The following TLK1 variants were observed in gnomAD, a reference collection of about 807,000 sequenced individuals.
The protein encoded by TLK1 is tousled like kinase 1, also known as serine/threonine-protein kinase tousled-like 1.
In TLK1, 24 loss-of-function variants were observed where a neutral mutation model predicts 105.3. The observed-to-expected ratio is 0.23, with a 90% CI of 0.17 to 0.32. The LOEUF (loss-of-function observed/expected upper bound fraction) is 0.32. TLK1 is among the 10% of genes least tolerant of loss of function. The pLI, the probability that TLK1 is intolerant of heterozygous loss-of-function variation, is 1.00. For missense variants in TLK1, 558 were observed against 910.5 expected (o/e 0.61, Z 4.98); for synonymous variants, 321 against 310.4 (o/e 1.03, Z -0.36).
At chr2:171,015,564 A>G (rs960312596) in intron 12 of TLK1, among the ~76,000 whole-genome samples, 1 of 152,060 alleles carries the variant, frequency 6.6e-6, no homozygotes, top group South Asian at 2.1e-4. Flanking sequence ...AATAAATCTT[A>G]AAGAAATTTA....
At chr2:171,223,403 G>A (rs138075486) in intron 1 of TLK1, among the ~76,000 whole-genome samples, 7 of 151,738 alleles carry the variant, frequency 4.6e-5, no homozygotes, top group South Asian at 2.1e-4. Flanking sequence ...TGATTAATGA[G>A]GTTGAGCATT....
chr2:171,170,621 G>A (rs1257942437), intron 1 of TLK1, among the ~76,000 whole-genome samples: 1 of 152,234 alleles, frequency 6.6e-6, no homozygotes, highest in Non-Finnish European at 1.5e-5. Flanking sequence ...ATAGAGACCA[G>A]ATAATGATGC....
chr2:171,151,658 G>A (rs1052942638), intron 1 of TLK1, among the ~76,000 whole-genome samples: 1 of 151,372 alleles, frequency 6.6e-6, no homozygotes, highest in Non-Finnish European at 1.5e-5. Flanking sequence ...TGTATTTTTA[G>A]TAGAGACAGG....
chr2:171,008,254 A>C, intron 14 of TLK1, among the ~76,000 whole-genome samples: 1 of 152,160 alleles, frequency 6.6e-6, no homozygotes, highest in Non-Finnish European at 1.5e-5. Context: ...TCTGAGCCCC[A>C]AAAGTTAGGG....
At chr2:171,195,520 A>C (rs1012348135) in intron 1 of TLK1, among the ~76,000 whole-genome samples, 1 of 151,580 alleles carries the variant, frequency 6.6e-6, no homozygotes, top group East Asian at 1.9e-4. Flanking sequence ...AAAAAAAAAA[A>C]AACATAATCC....
intron 1 of TLK1, among the ~76,000 whole-genome samples, chr2:171,147,017 T>C (rs942081569): frequency 2.0e-5 from 3 of 152,200 alleles, no homozygotes; most frequent in Admixed American, 1.3e-4. Flanking sequence ...CCAATGAATA[T>C]AACACCTTGA....
intron 1 of TLK1, among the ~76,000 whole-genome samples, chr2:171,225,264 A>T (rs1198651803): frequency 6.6e-6 from 1 of 152,228 alleles, no homozygotes; most frequent in Non-Finnish European, 1.5e-5. Context: ...TGCAGAATAT[A>T]TAATAACTCT....
At chr2:171,221,693 T>C (rs1348816923) in intron 1 of TLK1, among the ~76,000 whole-genome samples, 1 of 152,212 alleles carries the variant, frequency 6.6e-6, no homozygotes, top group Non-Finnish European at 1.5e-5. Flanking sequence ...AAAGTGCCAG[T>C]AGGGTTGGTT....
chr2:171,193,483 G>A (rs1318979655), intron 1 of TLK1, among the ~76,000 whole-genome samples: 7 of 147,302 alleles, frequency 4.8e-5, no homozygotes, highest in South Asian at 4.4e-4. Flanking sequence ...TGCAAGCTCC[G>A]CCTCCCAGGT....
chr2:171,142,059 A>G (rs2105578775), intron 1 of TLK1, among the ~76,000 whole-genome samples: 1 of 152,322 alleles, frequency 6.6e-6, no homozygotes, highest in South Asian at 2.1e-4. Context: ...CACTGACCAG[A>G]AAGAGAAAAA....
chr2:171,032,099 A>G (rs1028455249), intron 11 of TLK1, among the ~76,000 whole-genome samples: 1 of 152,066 alleles, frequency 6.6e-6, no homozygotes, highest in Non-Finnish European at 1.5e-5. Flanking sequence ...AACAACAACA[A>G]CAACAAAAGG....
chr2:171,093,864 ACCTGTC>A (rs1408807585), intron 2 of TLK1, among the ~76,000 whole-genome samples: 1 of 152,118 alleles, frequency 6.6e-6, no homozygotes, highest in African/African-American at 2.4e-5. Context: ...CCCCTTACCC[ACCTGTC>A]CCATGCTGCT....
chr2:170,994,095 A>T, intron 20 of TLK1, 139 bp from the exon 21 acceptor site: 1 of 954,360 alleles, frequency 1.0e-6, no homozygotes. Flanking sequence ...CTTAAAAAAA[A>T]AATTCTGTAG....
At chr2:171,037,216 C>A (rs1424861868) in intron 11 of TLK1, among the ~76,000 whole-genome samples, 1 of 151,872 alleles carries the variant, frequency 6.6e-6, no homozygotes, top group African/African-American at 2.4e-5. Flanking sequence ...CTGAGGTGGG[C>A]AGATCACCTG....
chr2:171,114,911 A>G (rs1387951372), intron 2 of TLK1, among the ~76,000 whole-genome samples: 2 of 152,142 alleles, frequency 1.3e-5, no homozygotes, highest in Non-Finnish European at 2.9e-5. Context: ...TCCAAAAAGG[A>G]TTACAGTCCT....
Position 171,085,570 on chromosome 2 carries a change from A to C in TLK1, c.259-2718T>G, listed in dbSNP as rs537744463. Among the ~76,000 whole-genome samples the C allele has an allele frequency of 3.9e-5, 6 of 152,306 alleles. No homozygotes were observed. In the East Asian group the frequency reaches 7.7e-4, roughly 20 times the overall value. ...GGCAAACACTTTATGCCAGACAAAA[A>C]TGGAGTGACATAAGCTATTCAAGGA... On this transcript the variant is annotated intron_variant, in intron 2 of 20. Coordinates refer to ENST00000431350, the MANE Select transcript of TLK1 (RefSeq NM_012290.5).
intron 2 of TLK1, among the ~76,000 whole-genome samples, chr2:171,086,493 G>C (rs886849883): frequency 1.3e-5 from 2 of 152,142 alleles, no homozygotes; most frequent in African/African-American, 4.8e-5. Context: ...AGGCGTCATG[G>C]CGCATGCCTG....
chr2:171,062,537 T>G (rs1687804042), intron 3 of TLK1, among the ~76,000 whole-genome samples: 1 of 152,194 alleles, frequency 6.6e-6, no homozygotes, highest in Admixed American at 6.5e-5. Flanking sequence ...AGCATCTGAA[T>G]TCTTTAAATA....
intron 2 of TLK1, among the ~76,000 whole-genome samples, chr2:171,085,836 G>A (rs746563775): frequency 1.3e-4 from 20 of 152,020 alleles, no homozygotes; most frequent in Non-Finnish European, 2.5e-4. Flanking sequence ...TAATGACAAG[G>A]GAGAGGATAT....
Sources: allele counts gnomAD v4.1 joint callset (sites outside exome capture counted in the v4.1 genomes callset), GRCh38; gene constraint gnomAD v4.1.1; transcripts MANE v1.5; gene names NCBI Gene and HGNC (gene_info 2026-07-23, HGNC 2026-07-21).